Variants in ZHX1 observed in about 807,000 individuals in gnomAD.
The protein encoded by ZHX1 is zinc fingers and homeoboxes 1.
Under a neutral mutation model 61.8 loss-of-function variants are expected in ZHX1, and 20 were observed. The observed-to-expected ratio is 0.32, with a 90% CI of 0.23 to 0.47. ZHX1 has a LOEUF of 0.47. Ranked by LOEUF, ZHX1 falls within the 20% of genes least tolerant of loss-of-function variation. The pLI is 1.00. For synonymous variants in ZHX1, 318 were observed against 352.6 expected, an observed-to-expected ratio of 0.90 and a Z score of 1.10; for missense variants, 800 against 1,034.8, an observed-to-expected ratio of 0.77 and a Z score of 3.11.
At chr8:123,256,755 C>G (rs1429569047) in intron 2 of ZHX1, among the ~76,000 whole-genome samples, 1 of 149,566 alleles carries the variant, frequency 6.7e-6, no homozygotes, top group Non-Finnish European at 1.5e-5. Flanking sequence ...CAGAGTGAGA[C>G]TCCATCTCAA....
chr8:123,274,081 T>A (rs1429979405), intron 1 of ZHX1, 136 bp downstream of exon 1: 1 of 152,668 alleles, frequency 6.6e-6, no homozygotes, highest in African/African-American at 2.4e-5. Flanking sequence ...GGGTCTCTGC[T>A]GTGAGGCTGC....
At chr8:123,267,957 C>T (rs545933813) in intron 1 of ZHX1, among the ~76,000 whole-genome samples, 153 of 152,206 alleles carry the variant, frequency 1.0e-3, no homozygotes, top group African/African-American at 1.8e-3. Context: ...GCCGAGATTG[C>T]GCCATTGCAC....
chr8:123,263,084 A>T (rs1351315781), intron 2 of ZHX1: 1 of 149,564 alleles, frequency 6.7e-6, no homozygotes, highest in Non-Finnish European at 1.5e-5. Context: ...AGGAAATATC[A>T]AAGTAAAAAA....
Position 123,253,599 on chromosome 8 carries a change from G to A in ZHX1, c.2348C>T (p.Ala783Val). ...PSLIKFKTGTAILKDYYLKHK... is the reference protein window; with the variant it reads ...PSLIKFKTGTVILKDYYLKHK... ...CTTCAGGTAATAATCCTTAAGTATT[G>A]CAGTTCCAGTTTTAAATTTTATGAG... Residue 783 changes from alanine (A) to valine (V), a missense_variant, in exon 3 of 4, where the codon GCA becomes GTA. Transcript: ENST00000395571. 1 of 1,614,192 alleles carries A rather than the reference G, an allele frequency of 6.2e-7. No homozygotes were observed. The highest frequency in any genetic ancestry group is 8.5e-7 in the Non-Finnish European group (1 of 1,180,032).
intron 2 of ZHX1, among the ~76,000 whole-genome samples, chr8:123,260,976 C>T (rs761977946): frequency 1.1e-4 from 16 of 152,046 alleles, no homozygotes; most frequent in African/African-American, 2.2e-4. Context: ...GAGCCAAGAT[C>T]GCACCACTGC....
Position 123,267,406 on chromosome 8 carries a change from T to C in ZHX1, c.-339-20A>G, listed in dbSNP as rs751296341. 5 of 750,324 alleles carry C rather than the reference T, an allele frequency of 6.7e-6. No individual in the cohort carries two copies. The highest frequency in any genetic ancestry group is 9.8e-6 in the Non-Finnish European group (5 of 512,562). The allele number at this position is 750,324 out of a possible 1,614,324, so 46.5% of individuals were successfully genotyped here. ...CTTCTCCTACAAAAAAGTCATATTT[T>C]ATTATTCTAGATATAATTTAGCCTT... On this transcript the variant is annotated intron_variant, in intron 1 of 3. Transcript: ENST00000395571.
intron 2 of ZHX1, among the ~76,000 whole-genome samples, chr8:123,257,843 A>AGGG (rs1395374501): frequency 1.3e-5 from 2 of 152,150 alleles, no homozygotes; most frequent in Non-Finnish European, 2.9e-5. Flanking sequence ...TCCATGGCAC[A>AGGG]GGGGTTGGGG....
At chr8:123,258,623 T>C (rs1826149548) in intron 2 of ZHX1, among the ~76,000 whole-genome samples, 1 of 152,172 alleles carries the variant, frequency 6.6e-6, no homozygotes, top group Admixed American at 6.5e-5. Flanking sequence ...AGGTAATCAC[T>C]CAATGTTTAT....
chr8:123,267,975 T>C (rs1333407796), intron 1 of ZHX1, among the ~76,000 whole-genome samples: 1 of 152,084 alleles, frequency 6.6e-6, no homozygotes, highest in African/African-American at 2.4e-5. Flanking sequence ...CACCCCAGTC[T>C]GGGCAACAAG....
At chr8:123,257,859 T>C (rs1826122506) in intron 2 of ZHX1, among the ~76,000 whole-genome samples, 1 of 152,174 alleles carries the variant, frequency 6.6e-6, no homozygotes, top group African/African-American at 2.4e-5. Context: ...TGGGGACCCC[T>C]ACTAGAGATC....
rs1336460774 is a variant in ZHX1 at position 123,255,966 on chromosome 8, G to T, written c.-20C>A. Reference sequence around the variant, plus strand: ...TGCCATTCTGATGTTATGAGGAAAAGCTCAGTGGTGATTAAAAAGCATCGA... The same window carrying T: ...TGCCATTCTGATGTTATGAGGAAAATCTCAGTGGTGATTAAAAAGCATCGA... On this transcript the variant is annotated 5_prime_UTR_variant, in exon 3 of 4. Coordinates refer to ENST00000395571, the MANE Select transcript of ZHX1 (RefSeq NM_007222.5). The T allele has an allele frequency of 1.9e-6, 3 of 1,570,438 alleles. No homozygotes were observed. Among genetic ancestry groups the T allele is most frequent in the African/African-American group, 2.7e-5 (2 of 73,112 alleles).
intron 1 of ZHX1, among the ~76,000 whole-genome samples, chr8:123,267,814 C>T (rs912281377): frequency 6.6e-6 from 1 of 152,086 alleles, no homozygotes; most frequent in Non-Finnish European, 1.5e-5. Flanking sequence ...CCAGTCTGAC[C>T]AACAAGGAGA....
chr8:123,254,684 T>G lies in ZHX1; in HGVS notation c.1263A>C (p.Pro421=), dbSNP rs757058558. ...GACTTTTCTGTATATTATTTTGACT[T>G]GGAACGCCTGCCACTGTCAAGGCTA... ...APIALTVAGV[P]SQNNIQKSQV... is the part of the protein sequence containing the mutation. The change falls in exon 3 of 4, where the codon CCA becomes CCC. Residue 421 remains proline, a synonymous_variant. Coordinates refer to ENST00000395571, the MANE Select transcript of ZHX1 (RefSeq NM_007222.5). The surrounding 1 kb of genome is among the most constrained non-coding windows in gnomAD (Gnocchi z 4.1). 6.2e-6 allele frequency: 10 copies of G among 1,614,020 alleles called. No homozygotes were observed. Among genetic ancestry groups the G allele is most frequent in the Non-Finnish European group, 7.6e-6 (9 of 1,180,016 alleles).
In ZHX1 at chr8:123,254,340, G is replaced by A. The variant is rs1207738651; in HGVS notation, c.1607C>T (p.Thr536Ile). 2.5e-6 allele frequency: 4 copies of A among 1,614,010 alleles called. No individual in the cohort carries two copies. The highest frequency in any genetic ancestry group is 3.4e-6 in the Non-Finnish European group (4 of 1,180,022). Residue 536 changes from threonine (T) to isoleucine (I), a missense_variant, in exon 3 of 4, where the codon ACC (threonine) becomes ATC (isoleucine). Coordinates refer to ENST00000395571, the MANE Select transcript of ZHX1 (RefSeq NM_007222.5). The surrounding 1 kb of genome is among the most constrained non-coding windows in gnomAD (Gnocchi z 4.1). ...QCLHLNNDSS[T>I]TIIIDSSDET... ...ATCACTGGAGTCTATAATAATGGTG[G>A]TAGAGGAATCATTGTTGAGATGTAA...
intron 2 of ZHX1, among the ~76,000 whole-genome samples, chr8:123,264,332 T>C (rs1232738112): frequency 6.6e-6 from 1 of 152,166 alleles, no homozygotes; most frequent in African/African-American, 2.4e-5. Flanking sequence ...GTCCTCAATG[T>C]AATACACTAT....
rs1826002704 is a variant in ZHX1, at chr8:123,254,246, A to G, written c.1701T>C (p.Phe567=). ...PKQSWNPFPD[F]TPQKFKEKTA... is the part of the protein sequence containing the mutation. ...TTTTCTCTTTAAACTTTTGGGGAGT[A>G]AAGTCAGGAAAAGGATTCCAGGATT... is the stretch of plus-strand genomic sequence containing the variant. The change falls in exon 3 of 4, where the codon TTT becomes TTC. Residue 567 remains phenylalanine, a synonymous_variant. Transcript: ENST00000395571. The surrounding 1 kb of genome is among the most constrained non-coding windows in gnomAD (Gnocchi z 4.1). The G allele has an allele frequency of 1.9e-6, 3 of 1,614,168 alleles. No homozygotes were observed. Among genetic ancestry groups the G allele is most frequent in the Non-Finnish European group, 2.5e-6 (3 of 1,180,018 alleles).
At position 123,255,874 on chromosome 8, in the gene ZHX1, T is replaced by G; in HGVS notation, c.73A>C (p.Ile25Leu). 6.2e-7 allele frequency: 1 copy of G among 1,614,200 alleles called. No individual in the cohort carries two copies. The highest frequency in any genetic ancestry group is 8.5e-7 in the Non-Finnish European group (1 of 1,180,022). ...GGAGGACCTTCATCCAAATCTGATA[T>G]CAACTCAAGGTCTGGATCTTGTTCA... ...ASEQDPDLEL[I>L]SDLDEGPPVL... is the part of the protein sequence containing the mutation. The change falls in exon 3 of 4, where the codon ATA becomes CTA. Residue 25 changes from isoleucine (I) to leucine (L), a missense_variant. Physicochemically the swap from Ile to Leu is conservative, Grantham distance 5. Coordinates refer to ENST00000395571, the MANE Select transcript of ZHX1 (RefSeq NM_007222.5).
intron 2 of ZHX1, among the ~76,000 whole-genome samples, chr8:123,262,228 AGT>A (rs1378668250): frequency 5.3e-5 from 8 of 152,238 alleles, no homozygotes; most frequent in Non-Finnish European, 1.0e-4. Context: ...TTAACTTTTC[AGT>A]ACGGGAAGTG....
chr8:123,264,711 C>T (rs1166883835), intron 2 of ZHX1, among the ~76,000 whole-genome samples: 1 of 151,822 alleles, frequency 6.6e-6, no homozygotes, highest in Non-Finnish European at 1.5e-5. Context: ...GCGCCCGCCA[C>T]CACGCCTGGC....
Sources: allele counts gnomAD v4.1 joint callset (sites outside exome capture counted in the v4.1 genomes callset), GRCh38; gene constraint gnomAD v4.1.1; non-coding constraint Gnocchi (gnomAD v3.1); transcripts MANE v1.5; gene names NCBI Gene and HGNC (gene_info 2026-07-23, HGNC 2026-07-21).